RARB: variants seen among roughly 807,000 people sequenced by gnomAD.
The protein encoded by RARB is retinoic acid receptor beta, also known as HBV-activated protein.
In RARB, 17 loss-of-function variants were observed where a neutral mutation model predicts 51.9. The ratio of observed to expected loss-of-function variants is 0.33; its 90% CI spans 0.22 to 0.49. RARB has a LOEUF of 0.49. Ranked by LOEUF, RARB falls within the 20% of genes least tolerant of loss-of-function variation. The probability of loss-of-function intolerance (pLI) is 0.99; values close to 1 mark genes in which losing one functional copy is unlikely to be tolerated. For missense variants in RARB, 369 were observed against 550.8 expected (o/e 0.67, Z 3.30); for synonymous variants, 215 against 195.4 (o/e 1.10, Z -0.84).
intron 5 of RARB, among the ~76,000 whole-genome samples, chr3:25,356,727 A>ATT (rs933715528): frequency 3.9e-5 from 6 of 152,014 alleles, no homozygotes; most frequent in African/African-American, 1.2e-4. Context: ...ATATGTTCTC[A>ATT]TTGTTCAACT....
intron 5 of RARB, among the ~76,000 whole-genome samples, chr3:25,294,535 A>G (rs1011002647): frequency 4.6e-5 from 7 of 152,216 alleles, no homozygotes; most frequent in Non-Finnish European, 8.8e-5. Flanking sequence ...ACAGAAAGCC[A>G]CTACCCCTCT....
intron 2 of RARB, among the ~76,000 whole-genome samples, chr3:25,009,058 C>T (rs538905051): frequency 2.6e-5 from 4 of 152,160 alleles, no homozygotes; most frequent in African/African-American, 9.7e-5. Flanking sequence ...TTGCTGGTCC[C>T]TTCTAAATCA....
chr3:25,159,067 G>A (rs1451511087), intron 4 of RARB, among the ~76,000 whole-genome samples: 1 of 148,358 alleles, frequency 6.7e-6, no homozygotes, highest in Non-Finnish European at 1.5e-5. Flanking sequence ...GAAAAAAAAA[G>A]AAAATGATAT....
chr3:25,351,023 G>A (rs1366522534), intron 5 of RARB, among the ~76,000 whole-genome samples: 1 of 152,174 alleles, frequency 6.6e-6, no homozygotes, highest in African/African-American at 2.4e-5. Flanking sequence ...CACAGAGGTA[G>A]GAGAAACATG....
At chr3:24,927,532 A>G (rs17787464) in intron 2 of RARB, among the ~76,000 whole-genome samples, 18,786 of 152,012 alleles carry the variant, frequency 0.12, 1,369 homozygotes, top group Non-Finnish European at 0.16. Flanking sequence ...CAGGCCTTAA[A>G]AATTTGGGTA....
intron 5 of RARB, among the ~76,000 whole-genome samples, chr3:25,259,299 A>G (rs1486183410): frequency 6.6e-6 from 1 of 152,084 alleles, no homozygotes; most frequent in Non-Finnish European, 1.5e-5. Context: ...CATTCTTCAT[A>G]TTTGGATGTA....
chr3:25,490,242 A>G (rs1235681676), intron 2 of RARB, among the ~76,000 whole-genome samples: 3 of 152,200 alleles, frequency 2.0e-5, no homozygotes, highest in Non-Finnish European at 4.4e-5. Context: ...ATGGCCCTGA[A>G]AATTAAATAG....
chr3:25,424,079 T>C (rs551509795), upstream of RARB, among the ~76,000 whole-genome samples: 9 of 152,266 alleles, frequency 5.9e-5, no homozygotes, highest in Middle Eastern at 0.01. Flanking sequence ...AGGAAGACTT[T>C]GTGGAGGAAA....
chr3:25,251,196 G>C lies in RARB; in HGVS notation c.178+76621G>C, dbSNP rs1030077732. 4.6e-5 allele frequency among the ~76,000 whole-genome samples: 7 copies of C among 152,090 alleles called. No individual in the cohort carries two copies. In the East Asian group the frequency reaches 1.4e-3, roughly 29 times the overall value. ...TTCAAGGTCATCCATATTGTAGCAT[G>C]CATTACTACTTCATTCATTTTATTA... On this transcript the variant is annotated intron_variant, in intron 5 of 11. Coordinates refer to the RARB transcript ENST00000383772.
Position 25,439,722 on chromosome 3 carries a change from T to C in RARB, c.157+10834T>C, listed in dbSNP as rs114221836. Among the ~76,000 whole-genome samples, 634 of 152,340 alleles carry C rather than the reference T, an allele frequency of 4.2e-3. 4 individuals are homozygous for C. Among genetic ancestry groups the C allele is most frequent in the African/African-American group, 0.014 (592 of 41,570 alleles). On this transcript the variant is annotated intron_variant, in intron 1 of 7. Transcript: ENST00000330688. ...TCAAATATGTCTTAAATGGAATGTA[T>C]TCTGTATTTTGAATTTTCATATACC...
chr3:25,250,509 A>G (rs1389440223), intron 5 of RARB, among the ~76,000 whole-genome samples: 4 of 152,252 alleles, frequency 2.6e-5, no homozygotes, highest in African/African-American at 9.6e-5. Context: ...GCAGGATAGC[A>G]TCTCATGGCA....
In RARB at chr3:25,190,502, A is replaced by G. The variant is rs141792004; in HGVS notation, c.178+15927A>G. On this transcript the variant is annotated intron_variant, in intron 5 of 11. Transcript: ENST00000383772. ...GCACTCCAGGAGATGTTTAACTGGC[A>G]TGTTCTGTTTGAGGTCACAATGTGC... Among the ~76,000 whole-genome samples the G allele has an allele frequency of 1.4e-4, 22 of 152,196 alleles. No individual in the cohort carries two copies. The East Asian group carries it at 4.3e-3, about 29-fold the overall frequency.
intron 3 of RARB, among the ~76,000 whole-genome samples, chr3:25,126,998 C>T (rs915136277): frequency 5.3e-5 from 8 of 152,038 alleles, no homozygotes; most frequent in African/African-American, 1.7e-4. Context: ...TATCAAAATC[C>T]ACCCCACATT....
At chr3:25,010,137 A>G (rs1433815421) in intron 2 of RARB, among the ~76,000 whole-genome samples, 2 of 129,408 alleles carry the variant, frequency 1.5e-5, no homozygotes, top group Admixed American at 1.4e-4. Flanking sequence ...TTTTTTTTAT[A>G]CCGAGGCCAG....
chr3:25,008,149 T>C (rs1308840218), intron 2 of RARB, among the ~76,000 whole-genome samples: 1 of 152,166 alleles, frequency 6.6e-6, no homozygotes, highest in Non-Finnish European at 1.5e-5. Context: ...TACAAGCTGA[T>C]GTCTGACTCA....
chr3:25,357,757 A>G (rs940472615), intron 5 of RARB, among the ~76,000 whole-genome samples: 1 of 152,214 alleles, frequency 6.6e-6, no homozygotes, highest in African/African-American at 2.4e-5. Context: ...AACAATGCTT[A>G]TTAAATAGGG....
At chr3:25,068,392 A>T (rs1425852267) in intron 3 of RARB, among the ~76,000 whole-genome samples, 2 of 152,170 alleles carry the variant, frequency 1.3e-5, no homozygotes, top group African/African-American at 4.8e-5. Flanking sequence ...TACTTCTCCC[A>T]TGACAAGATA....
intron 5 of RARB, among the ~76,000 whole-genome samples, chr3:25,588,342 A>G (rs1227845125): frequency 6.6e-6 from 1 of 152,234 alleles, no homozygotes; most frequent in East Asian, 1.9e-4. Context: ...AATAATGGTT[A>G]CTTCTGAGGA....
intron 4 of RARB, among the ~76,000 whole-genome samples, chr3:25,160,065 CTA>C (rs1441293837): frequency 6.6e-6 from 1 of 152,170 alleles, no homozygotes; most frequent in Non-Finnish European, 1.5e-5. Context: ...CAGCTTCTCT[CTA>C]TAAACTCACA....
Sources: gnomAD v4.1 joint callset for allele counts (sites outside exome capture counted in the v4.1 genomes callset) on GRCh38, gnomAD v4.1.1 for gene constraint, MANE v1.5 for transcripts, NCBI Gene and HGNC (gene_info 2026-07-23, HGNC 2026-07-21) for gene names.